SHMT1: variants seen among roughly 807,000 people sequenced by gnomAD.
The protein encoded by SHMT1 is serine hydroxymethyltransferase 1, also known as serine hydroxymethyltransferase, cytosolic.
SHMT1 carries 45 observed loss-of-function variants against 49.0 expected under a neutral mutation model. The observed-to-expected ratio is 0.92, with a 90% CI of 0.72 to 1.18. The LOEUF (loss-of-function observed/expected upper bound fraction) is 1.18. Ranked by LOEUF, SHMT1 falls within the 50% of genes most tolerant of loss-of-function variation. The pLI, the probability that SHMT1 is intolerant of heterozygous loss-of-function variation, is 0.00. For synonymous variants in SHMT1, 232 were observed against 246.6 expected, an observed-to-expected ratio of 0.94 and a Z score of 0.55; for missense variants, 541 against 612.4, an observed-to-expected ratio of 0.88 and a Z score of 1.23.
intron 3 of SHMT1, among the ~76,000 whole-genome samples, chr17:18,350,331 A>AAAAT (rs1009851533): frequency 1.5e-4 from 23 of 151,656 alleles, no homozygotes; most frequent in East Asian, 7.8e-4. Flanking sequence ...ACTCCGTCTC[A>AAAAT]AAATAAATAA....
chr17:18,337,261 G>A (rs929173544), intron 7 of SHMT1, among the ~76,000 whole-genome samples: 11 of 152,186 alleles, frequency 7.2e-5, no homozygotes, highest in African/African-American at 2.7e-4. Flanking sequence ...GCGGGTGTGC[G>A]GCAGAGCTAG....
intron 9 of SHMT1, chr17:18,332,524 G>GTA (rs1462938924): frequency 1.1e-5 from 2 of 178,114 alleles, no homozygotes; most frequent in Non-Finnish European, 2.4e-5. Context: ...GTGGGACTAG[G>GTA]TATAAAGTCG....
chr17:18,348,310 G>A lies in SHMT1; in HGVS notation c.358+15C>T, dbSNP rs1340284525. The A allele has an allele frequency of 6.5e-7, 1 of 1,544,862 alleles. No homozygotes were observed. The highest frequency in any genetic ancestry group is 2.2e-5 in the East Asian group (1 of 44,538). ...ATGAAGAGGCTGCACCAGGCCATAT[G>A]GATGAGACAAGCACCTGAGTAGGGC... On this transcript the variant is annotated intron_variant, in intron 4 of 11. Transcript: ENST00000316694.
intron 5 of SHMT1, among the ~76,000 whole-genome samples, chr17:18,347,087 C>T (rs1415039927): frequency 2.6e-5 from 4 of 152,230 alleles, no homozygotes; most frequent in Admixed American, 2.6e-4. Flanking sequence ...GCTACTGCAT[C>T]CTTGTGCTGC....
intron 3 of SHMT1, among the ~76,000 whole-genome samples, chr17:18,353,200 AG>A (rs1428177362): frequency 3.9e-5 from 6 of 152,218 alleles, no homozygotes; most frequent in Admixed American, 3.9e-4. Flanking sequence ...TGTAATTCTG[AG>A]GGTGAAAGAG....
intron 9 of SHMT1, chr17:18,331,768 C>T (rs866464417): frequency 2.0e-5 from 3 of 152,214 alleles, no homozygotes; most frequent in South Asian, 4.1e-4. Flanking sequence ...AAACAGGGAC[C>T]TAAAGCAGTG....
chr17:18,361,347 TATGCCTGTAATCCCAGCTACTC>T, intron 1 of SHMT1, among the ~76,000 whole-genome samples: 1 of 141,742 alleles, frequency 7.1e-6, no homozygotes, highest in Non-Finnish European at 1.5e-5. Flanking sequence ...CATGGTGGCA[TATGCCTGTAATCCCAGCTACTC>T]AGCAGGCTGA....
At chr17:18,345,165 G>T (rs573484132) in intron 5 of SHMT1, among the ~76,000 whole-genome samples, 1 of 152,348 alleles carries the variant, frequency 6.6e-6, no homozygotes, top group South Asian at 2.1e-4. Flanking sequence ...CCATCCTGAG[G>T]TGGGTCCCCT....
In SHMT1 at chr17:18,355,924, T is replaced by C; in HGVS notation, c.58A>G (p.Lys20Glu). 1 of 1,614,130 alleles carries C rather than the reference T, an allele frequency of 6.2e-7. No individual in the cohort carries two copies. The highest frequency in any genetic ancestry group is 8.5e-7 in the Non-Finnish European group (1 of 1,179,982). Reference sequence around the variant, plus strand: ...TCTTTGAGGGGTTGTGCCAGCATCTTGTCATGTGAGGACCACAGGTCAGCA... The same window carrying C: ...TCTTTGAGGGGTTGTGCCAGCATCTCGTCATGTGAGGACCACAGGTCAGCA... The part of the protein sequence containing the change: ...KDADLWSSHD[K>E]MLAQPLKDSD... Residue 20 changes from lysine to glutamate, a missense_variant, in exon 2 of 12, where the codon AAG becomes GAG. Coordinates refer to ENST00000316694, the MANE Select transcript of SHMT1 (RefSeq NM_004169.5).
At position 18,353,788 on chromosome 17, in the gene SHMT1, G is replaced by A. The variant is rs1451129361; in HGVS notation, c.126C>T (p.Asn42=). The A allele has an allele frequency of 3.1e-6, 5 of 1,614,034 alleles. No individual in the cohort carries two copies. The highest frequency in any genetic ancestry group is 4.2e-6 in the Non-Finnish European group (5 of 1,179,978). The change falls in exon 3 of 12, where the codon AAC becomes AAT. Residue 42 remains asparagine, a synonymous_variant. Coordinates refer to ENST00000316694, the MANE Select transcript of SHMT1 (RefSeq NM_004169.5). ...TCAGCTCCAATCCAACCCTCTGCCGGTTACTCTCCTTCTTAATGATGTTGT... is the reference window on the plus strand; with the variant it reads ...TCAGCTCCAATCCAACCCTCTGCCGATTACTCTCCTTCTTAATGATGTTGT... ...EVYNIIKKES[N]RQRVGLELIA...
chr17:18,361,372 C>A (rs1000004147), intron 1 of SHMT1, among the ~76,000 whole-genome samples: 13 of 148,962 alleles, frequency 8.7e-5, no homozygotes, highest in African/African-American at 3.2e-4. Context: ...AGCTACTCAG[C>A]AGGCTGAGAC....
At chr17:18,351,870 G>C (rs1167148270) in intron 3 of SHMT1, among the ~76,000 whole-genome samples, 1 of 151,772 alleles carries the variant, frequency 6.6e-6, no homozygotes. Context: ...TTAGAAACAG[G>C]GTCTCATTCT....
chr17:18,329,443 G>T, intron 10 of SHMT1, 55 bp from the exon 11 acceptor site: 2 of 1,404,050 alleles, frequency 1.4e-6, no homozygotes, highest in Non-Finnish European at 2.0e-6. Context: ...CTGTGATGGT[G>T]GTGCATTTAA....
intron 7 of SHMT1, among the ~76,000 whole-genome samples, chr17:18,336,582 G>A (rs6502649): frequency 0.31 from 46,233 of 151,034 alleles, 7,363 homozygotes; most frequent in African/African-American, 0.35. Flanking sequence ...AGGAGAATGC[G>A]TTGAACCCGG....
At chr17:18,362,616 G>A (rs1219006363) in intron 1 of SHMT1, among the ~76,000 whole-genome samples, 2 of 152,136 alleles carry the variant, frequency 1.3e-5, no homozygotes, top group African/African-American at 2.4e-5. Flanking sequence ...GAGCCACCGC[G>A]CCCGGCCTAC....
rs770444540 is a variant in SHMT1 at position 18,328,105 on chromosome 17, A to G, written c.*645T>C. 3.3e-5 allele frequency: 5 copies of G among 152,446 alleles called. No homozygotes were observed. Among genetic ancestry groups the G allele is most frequent in the Non-Finnish European group, 5.9e-5 (4 of 68,200 alleles). The allele number at this position is 152,446 out of a possible 1,614,324, so 9.4% of individuals were successfully genotyped here. A position where few individuals can be genotyped will look rare whatever the true frequency, so the allele number is the denominator to read the frequency against. ...GGGAGTTGGTTATCTCAGGTGGAGC[A>G]GGAAAGCCTGGTTGATTCTCACACC... is the stretch of plus-strand genomic sequence containing the variant. On this transcript the variant is annotated 3_prime_UTR_variant, in exon 12 of 12. Coordinates refer to ENST00000316694, the MANE Select transcript of SHMT1 (RefSeq NM_004169.5).
chr17:18,343,998 G>A (rs1406052770), intron 5 of SHMT1, among the ~76,000 whole-genome samples: 1 of 151,926 alleles, frequency 6.6e-6, no homozygotes, highest in African/African-American at 2.4e-5. Flanking sequence ...GAAAAACTGG[G>A]CTCTGGGATC....
chr17:18,330,158 CAG>C (rs1347917113), intron 10 of SHMT1, among the ~76,000 whole-genome samples: 6 of 145,584 alleles, frequency 4.1e-5, no homozygotes, highest in African/African-American at 1.3e-4. Flanking sequence ...TTTTTTTAGA[CAG>C]AGTCTCATTC....
chr17:18,362,461 T>C (rs1250070066), intron 1 of SHMT1, among the ~76,000 whole-genome samples: 1 of 152,042 alleles, frequency 6.6e-6, no homozygotes, highest in Non-Finnish European at 1.5e-5. Context: ...GCTGGGATTA[T>C]AGGTGTGTGC....
Sources: allele counts gnomAD v4.1 joint callset (sites outside exome capture counted in the v4.1 genomes callset), GRCh38; gene constraint gnomAD v4.1.1; transcripts MANE v1.5; gene names NCBI Gene and HGNC (gene_info 2026-07-23, HGNC 2026-07-21).